The following COLEC10 variants were observed in gnomAD, a reference collection of about 807,000 sequenced individuals.
COLEC10 encodes collectin-10.
Under a neutral mutation model 28.4 loss-of-function variants are expected in COLEC10, and 22 were observed. The ratio of observed to expected loss-of-function variants is 0.78; its 90% confidence interval spans 0.55 to 1.11. COLEC10 has a LOEUF of 1.11. Among genes scored for constraint, COLEC10 ranks in the 50% least tolerant of loss-of-function variants. The pLI, the probability that COLEC10 is intolerant of heterozygous loss-of-function variation, is 0.00. For synonymous variants in COLEC10, 125 were observed against 116.1 expected, an observed-to-expected ratio of 1.08 and a Z score of -0.49; for missense variants, 361 against 344.1, an observed-to-expected ratio of 1.05 and a Z score of -0.39.
intron 1 of COLEC10, among the ~76,000 whole-genome samples, chr8:119,005,922 A>T (rs1813785599): frequency 6.6e-6 from 1 of 152,068 alleles, no homozygotes; most frequent in Non-Finnish European, 1.5e-5. Flanking sequence ...AAGGATTCCT[A>T]TTCATATAAC....
intron 1 of COLEC10, among the ~76,000 whole-genome samples, chr8:118,997,405 C>T (rs542628550): frequency 5.9e-5 from 9 of 152,190 alleles, no homozygotes; most frequent in South Asian, 2.1e-4. Context: ...TGAAGCTTTT[C>T]CCCTGTGTTT....
chr8:119,028,216 C>T (rs114030228), intron 2 of COLEC10, among the ~76,000 whole-genome samples: 1,993 of 152,056 alleles, frequency 0.013, 52 homozygotes, highest in African/African-American at 0.045. Flanking sequence ...TGAATAACTG[C>T]TAGATAAATA....
upstream of COLEC10, among the ~76,000 whole-genome samples, chr8:118,991,915 G>C (rs1813511862): frequency 6.6e-6 from 1 of 152,006 alleles, no homozygotes; most frequent in African/African-American, 2.4e-5. Context: ...TTTACAGATG[G>C]TTTACAGTTG....
At chr8:118,978,401 A>T in the COLEC10 span, among the ~76,000 whole-genome samples, 1 of 152,052 alleles carries the variant, frequency 6.6e-6, no homozygotes, top group African/African-American at 2.4e-5. Flanking sequence ...AATTTCCAGG[A>T]CATTTTTGAT....
upstream of COLEC10, among the ~76,000 whole-genome samples, chr8:119,065,600 C>T (rs143700789): frequency 2.1e-4 from 32 of 152,096 alleles, no homozygotes; most frequent in African/African-American, 5.5e-4. Context: ...CTCACACCTG[C>T]GATCCCAGCA....
the COLEC10 span, among the ~76,000 whole-genome samples, chr8:118,984,646 A>G: frequency 9.2e-5 from 14 of 152,162 alleles, no homozygotes; most frequent in African/African-American, 3.1e-4. Context: ...TGATAGAGGC[A>G]GAGATTGGAC....
chr8:118,985,866 G>A, the COLEC10 span, among the ~76,000 whole-genome samples: 179 of 152,144 alleles, frequency 1.2e-3, no homozygotes, highest in African/African-American at 4.1e-3. Flanking sequence ...GGGCCCTGAA[G>A]TGCATATCAG....
chr8:119,001,025 G>A lies in COLEC10; in HGVS notation n.122+5452G>A, dbSNP rs970537666. 3.9e-5 allele frequency among the ~76,000 whole-genome samples: 6 copies of A among 152,128 alleles called. No individual in the cohort carries two copies. The East Asian group carries it at 5.8e-4, about 15-fold the overall frequency. On this transcript the variant is annotated intron_variant and non_coding_transcript_variant, in intron 1 of 6. Coordinates refer to the COLEC10 transcript ENST00000521788. ...GTTATGGTCTGGACATTACTGGGAC[G>A]ATCAGTAAAACCCTGCTCCTTCTCC... is the stretch of plus-strand genomic sequence containing the variant.
chr8:119,052,306 C>A (rs1024498227), intron 2 of COLEC10, among the ~76,000 whole-genome samples: 7 of 152,204 alleles, frequency 4.6e-5, no homozygotes, highest in African/African-American at 1.7e-4. Context: ...ATGGTAGCAG[C>A]ACCAAGTCTT....
At chr8:119,091,595 GAGAAAGAAAGAAAGAA>G (rs200954056) in intron 3 of COLEC10, among the ~76,000 whole-genome samples, 3,265 of 138,434 alleles carry the variant, frequency 0.024, 66 homozygotes, top group South Asian at 0.057. Flanking sequence ...GAGAGAGAGA[GAGAAAGAAAGAAAGAA>G]AGAAAGAAAG....
At chr8:118,999,606 A>G (rs574722965) in intron 1 of COLEC10, among the ~76,000 whole-genome samples, 1 of 151,318 alleles carries the variant, frequency 6.6e-6, no homozygotes, top group Admixed American at 6.6e-5. Context: ...AAAAAAAAAA[A>G]GAGCCAGCAA....
chr8:118,963,336 A>G, the COLEC10 span, among the ~76,000 whole-genome samples: 2 of 152,246 alleles, frequency 1.3e-5, no homozygotes, highest in African/African-American at 4.8e-5. Context: ...TATATCTGCC[A>G]CTAGTGTTAC....
intron 1 of COLEC10, among the ~76,000 whole-genome samples, chr8:119,083,057 TGCAAGTGAAAGAGGTCA>T (rs1392098945): frequency 2.0e-5 from 3 of 152,164 alleles, no homozygotes; most frequent in Admixed American, 6.5e-5. Context: ...AACTTGTGTT[TGCAAGTGAAAGAGGTCA>T]ACACAAACCA....
intron 1 of COLEC10, among the ~76,000 whole-genome samples, chr8:119,077,000 T>G (rs1815252544): frequency 6.6e-6 from 1 of 152,184 alleles, no homozygotes; most frequent in African/African-American, 2.4e-5. Flanking sequence ...AACCAATTTA[T>G]CAGTGTCACC....
chr8:119,047,856 A>C (rs77914317), intron 2 of COLEC10, among the ~76,000 whole-genome samples: 14,529 of 152,116 alleles, frequency 0.096, 1,029 homozygotes, highest in African/African-American at 0.19. Context: ...TTCTCTCTCT[A>C]TATATATGTA....
At chr8:118,980,520 TTA>T in the COLEC10 span, among the ~76,000 whole-genome samples, 1 of 152,064 alleles carries the variant, frequency 6.6e-6, no homozygotes, top group Non-Finnish European at 1.5e-5. Context: ...AGCTGTAGTC[TTA>T]TTTTTTTTAT....
chr8:118,966,002 AT>A, the COLEC10 span, among the ~76,000 whole-genome samples: 1 of 152,070 alleles, frequency 6.6e-6, no homozygotes, highest in Non-Finnish European at 1.5e-5. Flanking sequence ...TAGTGGTGGC[AT>A]TTTTTTAAAC....
chr8:119,070,573 C>G (rs557621042), intron 1 of COLEC10, among the ~76,000 whole-genome samples: 6 of 58,786 alleles, frequency 1.0e-4, no homozygotes, highest in Admixed American at 4.2e-4. Flanking sequence ...TCTCTCCCCC[C>G]ACCCCTTCTC....
intron 1 of COLEC10, among the ~76,000 whole-genome samples, chr8:119,081,199 C>T (rs1218055956): frequency 6.6e-6 from 1 of 152,050 alleles, no homozygotes; most frequent in African/African-American, 2.4e-5. Context: ...TTTACATAGC[C>T]AAGAACAATG....
Sources: gnomAD v4.1 joint callset for allele counts (sites outside exome capture counted in the v4.1 genomes callset) on GRCh38, gnomAD v4.1.1 for gene constraint, MANE v1.5 for transcripts, NCBI Gene and HGNC (gene_info 2026-07-23, HGNC 2026-07-21) for gene names.